The following MCU variants were observed in gnomAD, a reference collection of about 807,000 sequenced individuals.
The protein encoded by MCU is calcium uniporter protein, mitochondrial.
In MCU, 12 loss-of-function variants were observed where a neutral mutation model predicts 45.2. The observed-to-expected ratio is 0.27, with a 90% CI of 0.17 to 0.43. MCU has a LOEUF of 0.43. MCU is among the 20% of genes least tolerant of loss of function. MCU has a pLI of 1.00. For missense variants in MCU, 324 were observed against 436.7 expected, an observed-to-expected ratio of 0.74 and a Z score of 2.30; for synonymous variants, 160 against 165.1, an observed-to-expected ratio of 0.97 and a Z score of 0.24.
In MCU at chr10:72,885,743, A is replaced by T; in HGVS notation, c.979-2A>T. On this transcript the variant is annotated splice_acceptor_variant, in intron 7 of 7. Coordinates refer to ENST00000373053, the MANE Select transcript of MCU (RefSeq NM_138357.3). LOFTEE classifies it high-confidence loss of function. ...TTTTCTCACCTTTTGTTTCTATTTTAGGCAGAAATGGACCTTAAGAGACTG... is the reference window on the plus strand; with the variant it reads ...TTTTCTCACCTTTTGTTTCTATTTTTGGCAGAAATGGACCTTAAGAGACTG... 6.2e-7 allele frequency: 1 copy of T among 1,608,838 alleles called. No individual in the cohort carries two copies. Among genetic ancestry groups the T allele is most frequent in the Non-Finnish European group, 8.5e-7 (1 of 1,175,960 alleles).
chr10:72,863,959 A>AT (rs1362850893), intron 4 of MCU, among the ~76,000 whole-genome samples: 1 of 152,184 alleles, frequency 6.6e-6, no homozygotes, highest in Non-Finnish European at 1.5e-5. Flanking sequence ...CATATCTATT[A>AT]TAAAAAGTTA....
rs78090609 is a variant in MCU, at chr10:72,788,878, G to C, written c.151-45481G>C. ...TAAAAGGTACTGCAGTGAACCAGGT[G>C]GTTTGTTGGAATAAACCTCACATTT... On this transcript the variant is annotated intron_variant, in intron 1 of 7. Coordinates refer to ENST00000373053, the MANE Select transcript of MCU (RefSeq NM_138357.3). Among the ~76,000 whole-genome samples, 903 of 152,222 alleles carry C rather than the reference G, an allele frequency of 5.9e-3. 6 individuals are homozygous for C. Among genetic ancestry groups the C allele is most frequent in the East Asian group, 0.027 (141 of 5,172 alleles).
intron 1 of MCU, chr10:72,692,837 T>C: frequency 7.1e-7 from 1 of 1,413,492 alleles, no homozygotes. Flanking sequence ...CCCCGAGGGG[T>C]CGGGCAGGAA....
At chr10:72,796,012 T>A (rs1224499932) in intron 1 of MCU, among the ~76,000 whole-genome samples, 1 of 151,160 alleles carries the variant, frequency 6.6e-6, no homozygotes, top group Non-Finnish European at 1.5e-5. Context: ...AAAAAAAAAA[T>A]ATGCCACTCT....
intron 1 of MCU, among the ~76,000 whole-genome samples, chr10:72,758,251 G>A (rs1376401955): frequency 6.6e-6 from 1 of 152,160 alleles, no homozygotes; most frequent in African/African-American, 2.4e-5. Context: ...TGTTGTCCAG[G>A]TTGGCCTCAA....
chr10:72,752,664 C>T (rs1041871498), intron 1 of MCU, among the ~76,000 whole-genome samples: 1 of 152,168 alleles, frequency 6.6e-6, no homozygotes, highest in African/African-American at 2.4e-5. Context: ...GTTTTGCCTG[C>T]TGCATGGGTC....
chr10:72,799,333 C>T (rs537512201), intron 1 of MCU, among the ~76,000 whole-genome samples: 55 of 152,332 alleles, frequency 3.6e-4, no homozygotes, highest in African/African-American at 1.3e-3. Flanking sequence ...AACATTCATT[C>T]ATTTAATAAA....
intron 6 of MCU, among the ~76,000 whole-genome samples, chr10:72,873,013 G>GTTTTTTTTTTTTTTTTTTTTTTTTTTGTT (rs1193681306): frequency 1.1e-5 from 1 of 88,854 alleles, no homozygotes; most frequent in African/African-American, 4.6e-5. Flanking sequence ...TGTTTTTTGG[G>GTTTTTTTTTTTTTTTTTTTTTTTTTTGTT]TTTTTTTTTT....
At chr10:72,817,995 A>C (rs1844652501) in intron 1 of MCU, among the ~76,000 whole-genome samples, 1 of 152,240 alleles carries the variant, frequency 6.6e-6, no homozygotes, top group African/African-American at 2.4e-5. Flanking sequence ...CTGTTCTTTT[A>C]GAATTTTGTA....
chr10:72,869,064 G>A (rs1845500955), intron 5 of MCU, among the ~76,000 whole-genome samples: 1 of 152,144 alleles, frequency 6.6e-6, no homozygotes, highest in East Asian at 1.9e-4. Context: ...CCTTGATAAT[G>A]GACTTAGAGC....
At position 72,713,023 on chromosome 10, in the gene MCU, T is replaced by A. The variant is rs557031249; in HGVS notation, c.150+20722T>A. On this transcript the variant is annotated intron_variant, in intron 1 of 7. Transcript: ENST00000373053. The stretch of plus-strand genomic sequence containing the variant: ...GCAAACACAAGCCAAAATTAAAATG[T>A]TAGTTAGGCACCCAAGATATAAGTC... Among the ~76,000 whole-genome samples the A allele has an allele frequency of 9.9e-5, 15 of 152,262 alleles. 1 individual carries two copies. The South Asian group carries it at 2.3e-3, about 23-fold the overall frequency.
chr10:72,707,611 G>GTA (rs1842840202), intron 1 of MCU, among the ~76,000 whole-genome samples: 1 of 132,214 alleles, frequency 7.6e-6, no homozygotes, highest in Non-Finnish European at 1.6e-5. Context: ...TGAGTGGTGT[G>GTA]TGTGTGTGTG....
chr10:72,817,451 A>G (rs1028351256), intron 1 of MCU, among the ~76,000 whole-genome samples: 2 of 152,198 alleles, frequency 1.3e-5, no homozygotes, highest in Non-Finnish European at 2.9e-5. Context: ...TTGAATAAAC[A>G]TGTGAATCTG....
intron 1 of MCU, among the ~76,000 whole-genome samples, chr10:72,833,692 A>G (rs1448078223): frequency 6.6e-6 from 1 of 152,232 alleles, no homozygotes; most frequent in Non-Finnish European, 1.5e-5. Flanking sequence ...TGTATTCAGT[A>G]TTCATTCTGA....
intron 2 of MCU, among the ~76,000 whole-genome samples, chr10:72,836,396 T>C (rs1844956776): frequency 6.6e-6 from 1 of 152,222 alleles, no homozygotes; most frequent in African/African-American, 2.4e-5. Flanking sequence ...CTAATTTTGC[T>C]ACTTATTACC....
At chr10:72,692,591 A>T in intron 1 of MCU, 1 of 1,097,290 alleles carries the variant, frequency 9.1e-7, no homozygotes, top group African/African-American at 1.6e-5. Flanking sequence ...CCTCTCCCCG[A>T]CTCGCCCCCA....
chr10:72,730,200 A>G (rs1447874964), intron 1 of MCU, among the ~76,000 whole-genome samples: 1 of 151,348 alleles, frequency 6.6e-6, no homozygotes, highest in Non-Finnish European at 1.5e-5. Flanking sequence ...ACCTAAAGTA[A>G]TCCGCTTGCC....
chr10:72,880,287 C>G (rs1845680675), intron 6 of MCU, among the ~76,000 whole-genome samples: 1 of 152,014 alleles, frequency 6.6e-6, no homozygotes, highest in Non-Finnish European at 1.5e-5. Context: ...TGAAAAAATA[C>G]AGAAGAAATG....
At chr10:72,749,788 A>G (rs1165488225) in intron 1 of MCU, among the ~76,000 whole-genome samples, 1 of 151,988 alleles carries the variant, frequency 6.6e-6, no homozygotes, top group Non-Finnish European at 1.5e-5. Flanking sequence ...TTTAAATGAG[A>G]CGGAGTCTTG....
Sources: gnomAD v4.1 joint callset for allele counts (sites outside exome capture counted in the v4.1 genomes callset) on GRCh38, gnomAD v4.1.1 for gene constraint, MANE v1.5 for transcripts, NCBI Gene and HGNC (gene_info 2026-07-23, HGNC 2026-07-21) for gene names.